Variants in DENND5A observed in about 807,000 individuals in gnomAD.
The protein encoded by DENND5A is DENN domain-containing protein 5A.
In DENND5A, 64 loss-of-function variants were observed where a neutral mutation model predicts 140.3. The observed-to-expected ratio is 0.46, with a 90% confidence interval of 0.37 to 0.56. The LOEUF (loss-of-function observed/expected upper bound fraction) is 0.56, where lower values mean the gene tolerates loss of function less well. DENND5A is among the 20% of genes least tolerant of loss of function. DENND5A has a pLI of 0.00. For missense variants in DENND5A, 1,292 were observed against 1,593.8 expected, an observed-to-expected ratio of 0.81 and a Z score of 3.22; for synonymous variants, 605 against 607.7, an observed-to-expected ratio of 1.00 and a Z score of 0.07.
intron 12 of DENND5A, among the ~76,000 whole-genome samples, chr11:9,154,797 ATTG>A: frequency 6.6e-6 from 1 of 152,022 alleles, no homozygotes; most frequent in East Asian, 1.9e-4. Context: ...AAGAAGGTCT[ATTG>A]TTTCCTGTTG....
rs777968392 is a variant in DENND5A at position 9,178,165 on chromosome 11, T to C, written c.1873A>G (p.Met625Val). ...NVRTPTLRTS[M>V]YQKCTTVDEA... ...TCCACAGTGGTACACTTCTGGTACA[T>C]GGATGTACGGAGAGTAGGTGTCCGA... The change falls in exon 8 of 23, where the codon ATG (methionine) becomes GTG (valine). Residue 625 changes from methionine (M) to valine (V), a missense_variant. Physicochemically the swap from Met to Val is conservative, Grantham distance 21. This residue lies in a region of DENND5A where 199 missense variants were observed against 189.1 expected (regional missense o/e 1.05). Coordinates refer to ENST00000328194, the MANE Select transcript of DENND5A (RefSeq NM_015213.4). The C allele has an allele frequency of 2.6e-5, 42 of 1,613,998 alleles. No homozygotes were observed. Among genetic ancestry groups the C allele is most frequent in the Admixed American group, 3.3e-5 (2 of 60,014 alleles).
intron 18 of DENND5A, 87 bp from the exon 19 acceptor site, chr11:9,144,365 A>G: frequency 7.5e-7 from 1 of 1,341,618 alleles, no homozygotes; most frequent in Non-Finnish European, 1.0e-6. Flanking sequence ...ATCCCTGGAG[A>G]TAGGCTCTGA....
intron 3 of DENND5A, 106 bp from the exon 4 acceptor site, chr11:9,204,423 G>T: frequency 1.2e-5 from 13 of 1,099,488 alleles, no homozygotes; most frequent in Non-Finnish European, 1.7e-5. Context: ...TAAGCTGAGC[G>T]TGTATCTGGC....
intron 1 of DENND5A, among the ~76,000 whole-genome samples, chr11:9,218,797 G>C (rs1282408674): frequency 6.6e-6 from 1 of 152,108 alleles, no homozygotes; most frequent in Non-Finnish European, 1.5e-5. Context: ...CCTGAGGTCA[G>C]GAGTGCAAGA....
chr11:9,148,046 G>C (rs1252432000), intron 15 of DENND5A, among the ~76,000 whole-genome samples: 1 of 152,196 alleles, frequency 6.6e-6, no homozygotes, highest in Non-Finnish European at 1.5e-5. Flanking sequence ...TGCTGGAGAG[G>C]AAAGCGCCTA....
intron 1 of DENND5A, among the ~76,000 whole-genome samples, chr11:9,216,725 C>T (rs1256579450): frequency 2.0e-5 from 3 of 152,076 alleles, no homozygotes; most frequent in Non-Finnish European, 2.9e-5. Context: ...GACAATGTAA[C>T]GAGATCCTGT....
In DENND5A at chr11:9,235,280, T is replaced by C. The variant is rs369105056; in HGVS notation, c.110-27648A>G. On this transcript the variant is annotated intron_variant, in intron 1 of 22. Transcript: ENST00000328194. ...AATATGGTACGTATTATTCATACCATATAAATATCCCAATAATACAATATT... is the reference window on the plus strand; with the variant it reads ...AATATGGTACGTATTATTCATACCACATAAATATCCCAATAATACAATATT... Among the ~76,000 whole-genome samples, 29 of 152,258 alleles carry C rather than the reference T, an allele frequency of 1.9e-4. No homozygotes were observed. In the South Asian group the frequency reaches 5.0e-3, roughly 26 times the overall value.
At chr11:9,209,187 C>A (rs927831229) in intron 1 of DENND5A, among the ~76,000 whole-genome samples, 3 of 152,170 alleles carry the variant, frequency 2.0e-5, no homozygotes, top group Non-Finnish European at 4.4e-5. Flanking sequence ...ACAACTATCA[C>A]CGTTCTCTGT....
chr11:9,240,308 T>A (rs1413606950), intron 1 of DENND5A, among the ~76,000 whole-genome samples: 2 of 152,110 alleles, frequency 1.3e-5, no homozygotes, highest in African/African-American at 4.8e-5. Context: ...GGCTGGAGAA[T>A]CGCTTGAACC....
chr11:9,229,825 A>C (rs1292538725), intron 1 of DENND5A, among the ~76,000 whole-genome samples: 1 of 150,370 alleles, frequency 6.7e-6, no homozygotes, highest in East Asian at 2.0e-4. Flanking sequence ...CCCTTTCTTC[A>C]TTCTTCATTG....
intron 1 of DENND5A, among the ~76,000 whole-genome samples, chr11:9,243,643 G>A (rs796342916): frequency 5.7e-4 from 87 of 152,214 alleles, no homozygotes; most frequent in African/African-American, 2.0e-3. Context: ...ATCCCAGCAC[G>A]TTGGGAGGCC....
In DENND5A at chr11:9,164,788, T is replaced by G. The variant is rs144286913; in HGVS notation, c.2283+1048A>C. On this transcript the variant is annotated intron_variant, in intron 11 of 22. Transcript: ENST00000328194. Reference sequence around the variant, plus strand: ...AAAAATATCTGCAAATACATAAGACTAATCTGTTGAAGTAAGTTAGAGTGA... The same window carrying G: ...AAAAATATCTGCAAATACATAAGACGAATCTGTTGAAGTAAGTTAGAGTGA... 1.4e-3 allele frequency among the ~76,000 whole-genome samples: 215 copies of G among 152,248 alleles called. 1 individual carries two copies. Among genetic ancestry groups the G allele is most frequent in the South Asian group, 0.012 (56 of 4,824 alleles).
At chr11:9,141,873 G>A in intron 22 of DENND5A, 67 bp downstream of exon 22, 2 of 1,455,602 alleles carry the variant, frequency 1.4e-6, no homozygotes, top group Non-Finnish European at 1.8e-6. Flanking sequence ...CCCCTGCACT[G>A]CACCAGGCCT....
chr11:9,152,449 C>T lies in DENND5A; in HGVS notation c.2437-7G>A, dbSNP rs774082274. On this transcript the variant is annotated splice_polypyrimidine_tract_variant and splice_region_variant and intron_variant, in intron 12 of 22. Coordinates refer to ENST00000328194, the MANE Select transcript of DENND5A (RefSeq NM_015213.4). ...ACCATAAGGCTGATTTCCCCTGGAA[C>T]CAATGCAAGGGAGAAACACCTATCA... 2 of 1,601,904 alleles carry T rather than the reference C, an allele frequency of 1.2e-6. No homozygotes were observed. Among genetic ancestry groups the T allele is most frequent in the South Asian group, 1.1e-5 (1 of 90,848 alleles).
At chr11:9,222,125 A>T (rs1467818090) in intron 1 of DENND5A, among the ~76,000 whole-genome samples, 1 of 152,194 alleles carries the variant, frequency 6.6e-6, no homozygotes, top group Admixed American at 6.6e-5. Flanking sequence ...AGCTTTTTCT[A>T]ACATTTTATC....
At position 9,147,329 on chromosome 11, in the gene DENND5A, G is replaced by C. The variant is rs146434534; in HGVS notation, c.2736-178C>G. ...TCTAACTAAGGGACAGAGGGACAAC[G>C]GTTTAAGCTACAGCAGGAACAACAA... On this transcript the variant is annotated intron_variant, in intron 15 of 22. Coordinates refer to ENST00000328194, the MANE Select transcript of DENND5A (RefSeq NM_015213.4). 6.3e-3 allele frequency among the ~76,000 whole-genome samples: 954 copies of C among 152,274 alleles called. 5 individuals are homozygous for C. Among genetic ancestry groups the C allele is most frequent in the Non-Finnish European group, 0.011 (721 of 68,016 alleles).
intron 1 of DENND5A, among the ~76,000 whole-genome samples, chr11:9,264,158 T>C (rs11822115): frequency 5.1e-4 from 77 of 152,158 alleles, no homozygotes; most frequent in African/African-American, 1.7e-3. Flanking sequence ...ACGGGGACTG[T>C]ATAATTTTCA....
intron 1 of DENND5A, among the ~76,000 whole-genome samples, chr11:9,221,207 G>A (rs942798272): frequency 4.6e-5 from 7 of 151,762 alleles, no homozygotes; most frequent in African/African-American, 1.7e-4. Context: ...AAGGCAGGTG[G>A]ATCACCTGAA....
At chr11:9,151,506 G>C (rs772329216) in intron 13 of DENND5A, among the ~76,000 whole-genome samples, 1 of 152,082 alleles carries the variant, frequency 6.6e-6, no homozygotes, top group Non-Finnish European at 1.5e-5. Context: ...ATCTCCCCAG[G>C]TTCAGTGCTA....
Sources: allele counts gnomAD v4.1 joint callset (sites outside exome capture counted in the v4.1 genomes callset), GRCh38; gene constraint gnomAD v4.1.1; regional missense constraint gnomAD v4.1.1; transcripts MANE v1.5; gene names NCBI Gene and HGNC (gene_info 2026-07-23, HGNC 2026-07-21).